TXK: variants seen among roughly 807,000 people sequenced by gnomAD.
The protein encoded by TXK is tyrosine-protein kinase TXK.
Under a neutral mutation model 81.0 loss-of-function variants are expected in TXK, and 60 were observed. The observed-to-expected ratio is 0.74, with a 90% CI of 0.60 to 0.92. TXK has a LOEUF of 0.92. TXK is among the 40% of genes least tolerant of loss of function. The pLI is 0.00. For missense variants in TXK, 581 were observed against 638.3 expected (o/e 0.91, Z 0.97); for synonymous variants, 203 against 210.7 (o/e 0.96, Z 0.32).
intron 6 of TXK, among the ~76,000 whole-genome samples, chr4:48,102,307 T>C (rs1290915686): frequency 3.9e-5 from 6 of 152,154 alleles, no homozygotes; most frequent in Non-Finnish European, 5.9e-5. Context: ...CTTACAAGTT[T>C]AAAAGGCAAG....
intron 1 of TXK, among the ~76,000 whole-genome samples, chr4:48,123,882 A>G (rs1719020180): frequency 6.6e-6 from 1 of 152,060 alleles, no homozygotes; most frequent in Non-Finnish European, 1.5e-5. Flanking sequence ...TTTAGCTTTC[A>G]CCAATTCCTG....
Position 48,112,472 on chromosome 4 carries a change from A to T in TXK, c.215T>A (p.Leu72Gln). The stretch of plus-strand genomic sequence containing the variant: ...AACCTCAGAGGGTGGGAGGGGAGGC[A>T]GTGGCTTTCGTTTTGACGGCTGCAC... ...GRVQPSKRKP[L>Q]PPLPPSEVAE... Residue 72 changes from leucine to glutamine, a missense_variant, in exon 4 of 15, where the codon CTG (leucine) becomes CAG (glutamine). By Grantham distance (113) the Leu-to-Gln change is moderately radical. Transcript: ENST00000264316. The T allele has an allele frequency of 6.2e-7, 1 of 1,614,160 alleles. No individual in the cohort carries two copies. Among genetic ancestry groups the T allele is most frequent in the East Asian group, 2.2e-5 (1 of 44,894 alleles).
At position 48,067,182 on chromosome 4, in the gene TXK, T is replaced by C. The variant is rs919125264; in HGVS notation, c.*455A>G. On this transcript the variant is annotated 3_prime_UTR_variant, in exon 15 of 15. Coordinates refer to ENST00000264316, the MANE Select transcript of TXK (RefSeq NM_003328.3). ...TAAAGAGCTATACAGCCCAAAAACA[T>C]GAAATTCTTCAAGGGAGTCCCCTTT... The C allele has an allele frequency of 2.6e-5, 4 of 156,508 alleles. No individual in the cohort carries two copies. Among genetic ancestry groups the C allele is most frequent in the Non-Finnish European group, 5.7e-5 (4 of 70,524 alleles). 9.7% of individuals were successfully genotyped at this position (156,508 alleles called of 1,614,324 possible).
intron 6 of TXK, among the ~76,000 whole-genome samples, chr4:48,101,182 T>C (rs1718179306): frequency 6.6e-6 from 1 of 152,124 alleles, no homozygotes; most frequent in African/African-American, 2.4e-5. Flanking sequence ...GATATTGCCA[T>C]GAATTGTTTG....
chr4:48,089,802 A>G lies in TXK; in HGVS notation c.732T>C (p.Tyr244=). The G allele has an allele frequency of 1.2e-6, 2 of 1,613,604 alleles. No individual in the cohort carries two copies. Among genetic ancestry groups the G allele is most frequent in the Non-Finnish European group, 1.7e-6 (2 of 1,179,636 alleles). Residue 244 remains tyrosine (Y), a synonymous_variant, in exon 9 of 15, where the codon TAT becomes TAC. Coordinates refer to ENST00000264316, the MANE Select transcript of TXK (RefSeq NM_003328.3). ...AACAACTGCCCATCAGCCCAACTGG[A>G]TATCGGAGACGAGTCATGAGACCTA... ...NAAGLMTRLR[Y]PVGLMGSCLP... is the part of the protein sequence containing the mutation.
rs371838294 is a variant in TXK at position 48,112,852 on chromosome 4, C to T, written c.175-340G>A. 7.2e-5 allele frequency among the ~76,000 whole-genome samples: 11 copies of T among 151,884 alleles called. No homozygotes were observed. The South Asian group carries it at 2.1e-3, about 29-fold the overall frequency. On this transcript the variant is annotated intron_variant, in intron 3 of 14. Coordinates refer to ENST00000264316, the MANE Select transcript of TXK (RefSeq NM_003328.3). ...TTTCTCCTTAAAAGAAGAAAAATGG[C>T]CTTTTTCTTTTTATGTGGTGGCAGT...
At position 48,067,445 on chromosome 4, in the gene TXK, A is replaced by T; in HGVS notation, c.*192T>A. 1 of 586,602 alleles carries T rather than the reference A, an allele frequency of 1.7e-6. No individual in the cohort carries two copies. The highest frequency in any genetic ancestry group is 3.0e-6 in the Non-Finnish European group (1 of 333,358). 36.3% of individuals were successfully genotyped at this position (586,602 alleles called of 1,614,324 possible). On this transcript the variant is annotated 3_prime_UTR_variant, in exon 15 of 15. Coordinates refer to ENST00000264316, the MANE Select transcript of TXK (RefSeq NM_003328.3). ...AAATAAGAGTGTGCAAATCCCTCTC[A>T]CACATAGAAAAACGATTGTGTGAAT... is the stretch of plus-strand genomic sequence containing the variant.
chr4:48,073,702 A>C (rs1181770291), intron 13 of TXK, among the ~76,000 whole-genome samples: 1 of 152,234 alleles, frequency 6.6e-6, no homozygotes, highest in Non-Finnish European at 1.5e-5. Flanking sequence ...TTATGGTTTT[A>C]TAGTGAGTGC....
intron 5 of TXK, among the ~76,000 whole-genome samples, chr4:48,108,965 A>G (rs1017803331): frequency 6.6e-6 from 1 of 152,200 alleles, no homozygotes; most frequent in Admixed American, 6.5e-5. Flanking sequence ...ACTTTCACAA[A>G]TGTCTCCTTT....
At chr4:48,128,165 G>A (rs145298139) in intron 1 of TXK, among the ~76,000 whole-genome samples, 4 of 152,298 alleles carry the variant, frequency 2.6e-5, no homozygotes, top group South Asian at 2.1e-4. Context: ...TCAGGGTTTC[G>A]TTTTGAATCA....
At chr4:48,103,358 G>T (rs568862107) in intron 6 of TXK, among the ~76,000 whole-genome samples, 1 of 152,086 alleles carries the variant, frequency 6.6e-6, no homozygotes, top group African/African-American at 2.4e-5. Context: ...CATTTGCTGT[G>T]ACCATACCAG....
chr4:48,134,176 C>G lies in TXK; in HGVS notation c.-6G>C. 1 of 1,613,308 alleles carries G rather than the reference C, an allele frequency of 6.2e-7. No individual in the cohort carries two copies. The highest frequency in any genetic ancestry group is 8.5e-7 in the Non-Finnish European group (1 of 1,179,684). ...TCACAGGAGGAAAGGATCATGGTAG[C>G]CCCTTCTGCGGGGAGCACACAACAG... On this transcript the variant is annotated 5_prime_UTR_variant, in exon 1 of 15. Coordinates refer to ENST00000264316, the MANE Select transcript of TXK (RefSeq NM_003328.3).
In TXK at chr4:48,086,461, C is replaced by T. The variant is rs778661653; in HGVS notation, c.956+5G>A. 15 of 1,613,724 alleles carry T rather than the reference C, an allele frequency of 9.3e-6. No individual in the cohort carries two copies. Among genetic ancestry groups the T allele is most frequent in the South Asian group, 8.8e-5 (8 of 91,070 alleles). On this transcript the variant is annotated splice_donor_5th_base_variant and intron_variant, in intron 10 of 14. Transcript: ENST00000264316. ...GATATTTATCAGGGTGTTGTTTATA[C>T]GTACATCATCACTTTGGCCTCTTCA... is the stretch of plus-strand genomic sequence containing the variant.
chr4:48,079,450 C>A (rs1717205322), intron 11 of TXK, among the ~76,000 whole-genome samples: 1 of 152,150 alleles, frequency 6.6e-6, no homozygotes, highest in Non-Finnish European at 1.5e-5. Context: ...CTGGCCCCCA[C>A]CCAGGAACTG....
rs779939338 is a variant in TXK at position 48,099,894 on chromosome 4, C to T, written c.502-4672G>A. ...TACAAATGGATCAAAGATAAAAATG[C>T]GTAAAATAGGCCGGGCGCGGTGGCT... On this transcript the variant is annotated intron_variant, in intron 6 of 14. Coordinates refer to ENST00000264316, the MANE Select transcript of TXK (RefSeq NM_003328.3). Among the ~76,000 whole-genome samples the T allele has an allele frequency of 3.7e-4, 57 of 152,274 alleles. No homozygotes were observed. In the Middle Eastern group the frequency reaches 0.01, roughly 27 times the overall value.
chr4:48,070,298 T>C (rs1194767508), intron 14 of TXK, among the ~76,000 whole-genome samples: 1 of 152,192 alleles, frequency 6.6e-6, no homozygotes, highest in Non-Finnish European at 1.5e-5. Context: ...AGCTTGGCAT[T>C]TCAACAAATA....
chr4:48,067,462 T>A lies in TXK; in HGVS notation c.*175A>T, dbSNP rs2109388477. On this transcript the variant is annotated 3_prime_UTR_variant, in exon 15 of 15. Coordinates refer to ENST00000264316, the MANE Select transcript of TXK (RefSeq NM_003328.3). ...TCCCTCTCACACATAGAAAAACGAT[T>A]GTGTGAATATTCTTAAATTTTTAAA... The A allele has an allele frequency of 3.1e-6, 2 of 637,326 alleles. No homozygotes were observed. Among genetic ancestry groups the A allele is most frequent in the Admixed American group, 3.0e-5 (1 of 32,846 alleles). The allele number at this position is 637,326 out of a possible 1,614,324, so 39.5% of individuals were successfully genotyped here.
At chr4:48,072,856 C>A (rs1716917418) in intron 13 of TXK, among the ~76,000 whole-genome samples, 1 of 152,212 alleles carries the variant, frequency 6.6e-6, no homozygotes, top group South Asian at 2.1e-4. Context: ...CCTGCTGAGA[C>A]TATCATATGT....
At chr4:48,124,426 T>C (rs1382187819) in intron 1 of TXK, among the ~76,000 whole-genome samples, 1 of 152,120 alleles carries the variant, frequency 6.6e-6, no homozygotes, top group Non-Finnish European at 1.5e-5. Flanking sequence ...TATCCTTTTT[T>C]TTTTATTTTT....
Sources: gnomAD v4.1 joint callset for allele counts (sites outside exome capture counted in the v4.1 genomes callset) on GRCh38, gnomAD v4.1.1 for gene constraint, MANE v1.5 for transcripts, NCBI Gene and HGNC (gene_info 2026-07-23, HGNC 2026-07-21) for gene names.